ABI1: variants seen among roughly 807,000 people sequenced by gnomAD.
ABI1 encodes the protein abl interactor 1.
In ABI1, 14 loss-of-function variants were observed where a neutral mutation model predicts 54.6. That is an observed-to-expected ratio of 0.26 (90% CI 0.17 to 0.40). The LOEUF is 0.40. Among genes scored for constraint, ABI1 ranks in the 10% least tolerant of loss-of-function variants. The pLI is 1.00. For synonymous variants in ABI1, 194 were observed against 209.3 expected, an observed-to-expected ratio of 0.93 and a Z score of 0.63; for missense variants, 443 against 598.3, an observed-to-expected ratio of 0.74 and a Z score of 2.71.
At chr10:26,786,425 G>A (rs144141769) in intron 2 of ABI1, among the ~76,000 whole-genome samples, 106 of 152,164 alleles carry the variant, frequency 7.0e-4, no homozygotes, top group African/African-American at 2.5e-3. Flanking sequence ...ATGTTGGCCA[G>A]GCTGGTCTCA....
chr10:26,755,480 T>G (rs532561053), intron 9 of ABI1, among the ~76,000 whole-genome samples, 175 bp downstream of exon 9: 2 of 152,296 alleles, frequency 1.3e-5, no homozygotes, highest in East Asian at 3.9e-4. Flanking sequence ...TCAGTAACCA[T>G]GCACACAAAG....
intron 1 of ABI1, among the ~76,000 whole-genome samples, chr10:26,832,272 T>C (rs1162814658): frequency 6.6e-6 from 1 of 152,174 alleles, no homozygotes; most frequent in African/African-American, 2.4e-5. Flanking sequence ...CTTCTCAATT[T>C]AACGGCCTTT....
At chr10:26,752,040 T>C (rs185557885) in intron 9 of ABI1, among the ~76,000 whole-genome samples, 9 of 152,348 alleles carry the variant, frequency 5.9e-5, no homozygotes, top group Admixed American at 5.9e-4. Flanking sequence ...ACAATGTCTC[T>C]TTTTATAAGG....
intron 9 of ABI1, among the ~76,000 whole-genome samples, chr10:26,753,167 G>A (rs755532857): frequency 8.5e-5 from 13 of 152,138 alleles, no homozygotes; most frequent in Non-Finnish European, 8.8e-5. Context: ...TTATCCTCTC[G>A]AGGGATGAAA....
intron 10 of ABI1, among the ~76,000 whole-genome samples, chr10:26,751,220 A>G (rs1254395349): frequency 1.3e-5 from 2 of 152,206 alleles, no homozygotes; most frequent in Non-Finnish European, 2.9e-5. Flanking sequence ...TAAATCAGGG[A>G]CCGTCCATAT....
At chr10:26,847,686 T>C (rs1056566775) in intron 1 of ABI1, among the ~76,000 whole-genome samples, 7 of 151,808 alleles carry the variant, frequency 4.6e-5, no homozygotes, top group African/African-American at 1.7e-4. Flanking sequence ...TGAAAAAAAA[T>C]AGGCTTCTCA....
intron 2 of ABI1, among the ~76,000 whole-genome samples, chr10:26,785,805 G>A (rs974083162): frequency 6.6e-5 from 10 of 151,974 alleles, no homozygotes; most frequent in Admixed American, 5.2e-4. Context: ...ATCAAAGTTT[G>A]GGTTCCCTAA....
intron 2 of ABI1, among the ~76,000 whole-genome samples, chr10:26,801,328 C>T (rs1039397314): frequency 6.6e-6 from 1 of 152,128 alleles, no homozygotes; most frequent in Non-Finnish European, 1.5e-5. Context: ...AGGCGGATCA[C>T]TTGAGCTCAC....
intron 2 of ABI1, among the ~76,000 whole-genome samples, chr10:26,792,267 A>G (rs956251610): frequency 6.6e-6 from 1 of 152,224 alleles, no homozygotes; most frequent in Non-Finnish European, 1.5e-5. Context: ...ATTCTTTTGA[A>G]TAAGTGTAAT....
At chr10:26,814,552 A>G (rs2047436944) in intron 2 of ABI1, among the ~76,000 whole-genome samples, 1 of 152,198 alleles carries the variant, frequency 6.6e-6, no homozygotes, top group Admixed American at 6.5e-5. Context: ...ATTACTTCCT[A>G]TATTTTCCAG....
intron 2 of ABI1, among the ~76,000 whole-genome samples, chr10:26,777,450 A>T (rs10829062): frequency 0.15 from 22,498 of 152,200 alleles, 2,175 homozygotes; most frequent in African/African-American, 0.28. Context: ...TTTGATTCTA[A>T]AACAATTCTC....
At chr10:26,778,610 C>T (rs569068140) in intron 2 of ABI1, among the ~76,000 whole-genome samples, 71 of 151,992 alleles carry the variant, frequency 4.7e-4, no homozygotes, top group African/African-American at 1.4e-3. Flanking sequence ...CGAGAAAGAA[C>T]TTCTAATCAA....
At chr10:26,788,933 A>T (rs1843065393) in intron 2 of ABI1, 2 of 151,834 alleles carry the variant, frequency 1.3e-5, no homozygotes. Flanking sequence ...AAAAAAAAAA[A>T]AAAGATACCA....
At chr10:26,827,466 C>A (rs1245422322) in intron 1 of ABI1, among the ~76,000 whole-genome samples, 1 of 151,912 alleles carries the variant, frequency 6.6e-6, no homozygotes, top group Non-Finnish European at 1.5e-5. Context: ...TGTGATCCAT[C>A]CACCTCCGCC....
chr10:26,812,202 T>G (rs2047284847), intron 2 of ABI1, among the ~76,000 whole-genome samples: 1 of 152,182 alleles, frequency 6.6e-6, no homozygotes, highest in Non-Finnish European at 1.5e-5. Context: ...AAAAAGCCCC[T>G]TCTGCCAGAA....
chr10:26,769,366 T>C (rs540241805), intron 5 of ABI1, among the ~76,000 whole-genome samples: 4 of 152,290 alleles, frequency 2.6e-5, no homozygotes, highest in Admixed American at 6.5e-5. Context: ...TTTATTTACA[T>C]AGGAAGCTGC....
At chr10:26,776,472 A>G (rs901962009) in intron 3 of ABI1, among the ~76,000 whole-genome samples, 4 of 152,168 alleles carry the variant, frequency 2.6e-5, no homozygotes, top group African/African-American at 9.7e-5. Flanking sequence ...AATGACCCAT[A>G]AATACCAAAA....
At chr10:26,827,801 C>G (rs1483573659) in intron 1 of ABI1, among the ~76,000 whole-genome samples, 1 of 152,116 alleles carries the variant, frequency 6.6e-6, no homozygotes, top group African/African-American at 2.4e-5. Flanking sequence ...CCATGCTGGC[C>G]AGGCTGGTCT....
chr10:26,782,912 C>G (rs985073984), intron 2 of ABI1, among the ~76,000 whole-genome samples: 2 of 152,092 alleles, frequency 1.3e-5, no homozygotes, highest in Non-Finnish European at 2.9e-5. Context: ...CACTCTGAAA[C>G]ATAGTATAGT....
Sources: gnomAD v4.1 joint callset for allele counts (sites outside exome capture counted in the v4.1 genomes callset) on GRCh38, gnomAD v4.1.1 for gene constraint, MANE v1.5 for transcripts, NCBI Gene and HGNC (gene_info 2026-07-23, HGNC 2026-07-21) for gene names.